Variants in RALGPS2 observed in about 807,000 individuals in gnomAD.
RALGPS2 encodes the protein Ral GEF with PH domain and SH3 binding motif 2, also known as ras-specific guanine nucleotide-releasing factor RalGPS2.
RALGPS2 carries 43 observed loss-of-function variants against 86.8 expected under a neutral mutation model. The observed-to-expected ratio is 0.50, with a 90% confidence interval of 0.39 to 0.64. RALGPS2 has a LOEUF of 0.64. Among genes scored for constraint, RALGPS2 ranks in the 30% least tolerant of loss-of-function variants. The probability of loss-of-function intolerance (pLI) is 0.00; values close to 1 mark genes in which losing one functional copy is unlikely to be tolerated. For missense variants in RALGPS2, 536 were observed against 694.6 expected, an observed-to-expected ratio of 0.77 and a Z score of 2.57; for synonymous variants, 243 against 231.3, an observed-to-expected ratio of 1.05 and a Z score of -0.46.
chr1:178,853,735 C>G (rs777569034), intron 8 of RALGPS2: 2 of 1,605,910 alleles, frequency 1.2e-6, no homozygotes, highest in East Asian at 4.5e-5. Flanking sequence ...TCATATAAAT[C>G]CCACTGACCG....
chr1:178,738,712 GTTAC>G (rs1650859989), intron 1 of RALGPS2, among the ~76,000 whole-genome samples: 1 of 152,146 alleles, frequency 6.6e-6, no homozygotes, highest in Non-Finnish European at 1.5e-5. Flanking sequence ...ATCTGGGCAA[GTTAC>G]TTAATTTGTT....
At chr1:178,798,787 A>C (rs757861259) in intron 4 of RALGPS2, among the ~76,000 whole-genome samples, 20 of 152,200 alleles carry the variant, frequency 1.3e-4, no homozygotes, top group Admixed American at 3.9e-4. Context: ...AAGAAAGTAT[A>C]CCCATAGCCT....
intron 8 of RALGPS2, chr1:178,850,478 T>C (rs1269233304): frequency 6.6e-6 from 1 of 152,068 alleles, no homozygotes; most frequent in Non-Finnish European, 1.5e-5. Flanking sequence ...AAATTGACCA[T>C]TTAAATTATG....
At chr1:178,773,070 A>G (rs545517442) in intron 1 of RALGPS2, among the ~76,000 whole-genome samples, 13 of 152,314 alleles carry the variant, frequency 8.5e-5, no homozygotes, top group African/African-American at 3.1e-4. Flanking sequence ...CCAAAGTGCT[A>G]GGATTACAGG....
rs529205233 is a variant in RALGPS2 at position 178,852,283 on chromosome 1, A to T, written c.607+18733A>T. The stretch of plus-strand genomic sequence containing the variant: ...TTGAGAGTACTTATTCCCACCTAAC[A>T]AATTGTTTTGTCTCTCCTCCAGTGA... On this transcript the variant is annotated intron_variant, in intron 8 of 19. Transcript: ENST00000367635. 2.0e-5 allele frequency among the ~76,000 whole-genome samples: 3 copies of T among 152,202 alleles called. No homozygotes were observed. The South Asian group carries it at 6.2e-4, about 32-fold the overall frequency.
At chr1:178,788,683 T>C (rs985583855) in intron 4 of RALGPS2, among the ~76,000 whole-genome samples, 12 of 152,144 alleles carry the variant, frequency 7.9e-5, no homozygotes, top group African/African-American at 2.7e-4. Flanking sequence ...GGGTGAGGGC[T>C]AGATGGTGTG....
chr1:178,754,833 T>G (rs991611188), intron 1 of RALGPS2, among the ~76,000 whole-genome samples: 4 of 152,270 alleles, frequency 2.6e-5, no homozygotes, highest in African/African-American at 9.6e-5. Context: ...GAAGTCTCAC[T>G]CTGTTGCCCA....
chr1:178,851,213 G>A, intron 8 of RALGPS2: 3 of 1,613,924 alleles, frequency 1.9e-6, no homozygotes, highest in Non-Finnish European at 2.5e-6. Flanking sequence ...TTCCATCTTG[G>A]TGCTTGCTTC....
At chr1:178,905,681 C>G (rs551223973) in intron 18 of RALGPS2, among the ~76,000 whole-genome samples, 1 of 152,094 alleles carries the variant, frequency 6.6e-6, no homozygotes, top group Non-Finnish European at 1.5e-5. Flanking sequence ...GAACTTAGGT[C>G]AATGAAAAAA....
intron 1 of RALGPS2, among the ~76,000 whole-genome samples, chr1:178,732,883 C>G (rs980617211): frequency 6.6e-6 from 1 of 151,776 alleles, no homozygotes; most frequent in African/African-American, 2.4e-5. Context: ...TGAGTTAAAC[C>G]CTATTTAGCT....
At chr1:178,837,803 C>T (rs1656354960) in intron 8 of RALGPS2, among the ~76,000 whole-genome samples, 1 of 152,108 alleles carries the variant, frequency 6.6e-6, no homozygotes, top group African/African-American at 2.4e-5. Flanking sequence ...ACAGAAGGCA[C>T]CTGGAAAATC....
At chr1:178,833,659 T>C in intron 8 of RALGPS2, 109 bp downstream of exon 8, 1 of 1,431,006 alleles carries the variant, frequency 7.0e-7, no homozygotes, top group Non-Finnish European at 9.1e-7. Flanking sequence ...TTTAAATAAA[T>C]TACTTCAAGA....
At chr1:178,883,635 A>G in intron 11 of RALGPS2, 102 bp downstream of exon 11, 1 of 840,464 alleles carries the variant, frequency 1.2e-6, no homozygotes, top group East Asian at 2.8e-5. Flanking sequence ...CTTATACTGC[A>G]TGTAAAATTT....
chr1:178,821,484 T>C, intron 6 of RALGPS2, 128 bp from the exon 7 acceptor site: 1 of 674,760 alleles, frequency 1.5e-6, no homozygotes. Context: ...TAAAGACAGT[T>C]CTCAGTAATG....
At chr1:178,781,044 A>T (rs1302020467) in intron 2 of RALGPS2, among the ~76,000 whole-genome samples, 1 of 151,886 alleles carries the variant, frequency 6.6e-6, no homozygotes, top group Non-Finnish European at 1.5e-5. Flanking sequence ...GTATATTTTT[A>T]ACTATATATC....
chr1:178,902,192 GCTGA>G lies in RALGPS2; in HGVS notation c.1618_1621del (p.Asp540LeufsTer15). On this transcript the variant is annotated frameshift_variant, in exon 18 of 20. Coordinates refer to ENST00000367635, the MANE Select transcript of RALGPS2 (RefSeq NM_152663.5). LOFTEE classifies it high-confidence loss of function. ...ACCCTGAACATCCTGATCTCTTCCT[GCTGA>G]CTGACTCTGAGAAAGGTGAATTGTT... 11 of 1,612,360 alleles carry G rather than the reference GCTGA, an allele frequency of 6.8e-6. No homozygotes were observed. The highest frequency in any genetic ancestry group is 9.3e-6 in the Non-Finnish European group (11 of 1,178,696).
At chr1:178,846,348 C>A (rs529011304) in intron 8 of RALGPS2, among the ~76,000 whole-genome samples, 2 of 152,086 alleles carry the variant, frequency 1.3e-5, no homozygotes, top group African/African-American at 4.8e-5. Flanking sequence ...GATTACCTTA[C>A]CCTATTCTTT....
chr1:178,855,296 C>CTTT (rs71677302), intron 8 of RALGPS2, among the ~76,000 whole-genome samples: 1 of 135,904 alleles, frequency 7.4e-6, no homozygotes. Flanking sequence ...AGGACAGAGA[C>CTTT]TTTTTTTTTT....
chr1:178,768,960 C>T (rs1368028517), intron 1 of RALGPS2, among the ~76,000 whole-genome samples: 1 of 152,144 alleles, frequency 6.6e-6, no homozygotes, highest in South Asian at 2.1e-4. Context: ...ACCAGGATCT[C>T]TGCACAGGAA....
Sources: gnomAD v4.1 joint callset for allele counts (sites outside exome capture counted in the v4.1 genomes callset) on GRCh38, gnomAD v4.1.1 for gene constraint, MANE v1.5 for transcripts, NCBI Gene and HGNC (gene_info 2026-07-23, HGNC 2026-07-21) for gene names.